The following PCSK6 variants were observed in gnomAD, a reference collection of about 807,000 sequenced individuals.
PCSK6 encodes proprotein convertase subtilisin/kexin type 6.
In PCSK6, 85 loss-of-function variants were observed where a neutral mutation model predicts 123.3. That is an observed-to-expected ratio of 0.69 (90% confidence interval 0.58 to 0.83). The LOEUF (loss-of-function observed/expected upper bound fraction) is 0.83, where lower values mean the gene tolerates loss of function less well. Among genes scored for constraint, PCSK6 ranks in the 40% least tolerant of loss-of-function variants. The probability of loss-of-function intolerance (pLI) is 0.00; values close to 1 mark genes in which losing one functional copy is unlikely to be tolerated. For synonymous variants in PCSK6, 508 were observed against 516.0 expected, an observed-to-expected ratio of 0.98 and a Z score of 0.21; for missense variants, 1,191 against 1,282.3, an observed-to-expected ratio of 0.93 and a Z score of 1.09.
intron 7 of PCSK6, among the ~76,000 whole-genome samples, chr15:101,394,129 G>GTT (rs1320294435): frequency 2.3e-5 from 3 of 132,904 alleles, no homozygotes; most frequent in South Asian, 2.7e-4. Flanking sequence ...TTTTCTTTCC[G>GTT]TTTTTTTGTT....
chr15:101,404,348 C>T (rs1443874051), intron 6 of PCSK6, among the ~76,000 whole-genome samples: 1 of 152,184 alleles, frequency 6.6e-6, no homozygotes, highest in Admixed American at 6.5e-5. Context: ...TGTATTTTGT[C>T]CTTTCTGGGT....
At position 101,467,931 on chromosome 15, in the gene PCSK6, A is replaced by C. The variant is rs112970059; in HGVS notation, c.297+21443T>G. Among the ~76,000 whole-genome samples, 1,352 of 152,344 alleles carry C rather than the reference A, an allele frequency of 8.9e-3. 20 individuals carry two copies. The highest frequency in any genetic ancestry group is 0.028 in the African/African-American group (1,149 of 41,582). ...GGTAGGGTGCAAGGAACGCGTAGGTAATACTGGTAATAGCCTAGTCACTGG... is the reference window on the plus strand; with the variant it reads ...GGTAGGGTGCAAGGAACGCGTAGGTCATACTGGTAATAGCCTAGTCACTGG... On this transcript the variant is annotated intron_variant, in intron 1 of 21. Coordinates refer to ENST00000611716, the MANE Select transcript of PCSK6 (RefSeq NM_002570.5).
rs113456089 is a variant in PCSK6, at chr15:101,320,296, G to C, written c.2466-1874C>G. 8.7e-3 allele frequency among the ~76,000 whole-genome samples: 1,332 copies of C among 152,260 alleles called. 24 individuals are homozygous for C. The highest frequency in any genetic ancestry group is 0.03 in the African/African-American group (1,261 of 41,558). On this transcript the variant is annotated intron_variant, in intron 18 of 21. Transcript: ENST00000611716. ...AGACAGGGTTTCGCCATGTTGGCCA[G>C]GCTGGTTTCGAACTCCTAGCCTCAA... is the stretch of plus-strand genomic sequence containing the variant.
chr15:101,481,409 C>G (rs571282372), intron 1 of PCSK6, among the ~76,000 whole-genome samples: 1 of 150,890 alleles, frequency 6.6e-6, no homozygotes, highest in South Asian at 2.1e-4. Context: ...GGCTGAGGGG[C>G]GAACCTGGTG....
intron 12 of PCSK6, among the ~76,000 whole-genome samples, chr15:101,367,617 G>C (rs2041440127): frequency 6.6e-6 from 1 of 152,196 alleles, no homozygotes; most frequent in African/African-American, 2.4e-5. Context: ...TCTTTTAAGG[G>C]CTGAGGTGCT....
rs1194232737 is a variant in PCSK6 at position 101,392,107 on chromosome 15, G to GC, written c.1209+1104dup. Among the ~76,000 whole-genome samples, 16 of 152,298 alleles carry GC rather than the reference G, an allele frequency of 1.1e-4. 1 individual carries two copies. Among genetic ancestry groups the GC allele is most frequent in the Admixed American group, 9.8e-4 (15 of 15,304 alleles). On this transcript the variant is annotated intron_variant, in intron 8 of 21. Transcript: ENST00000611716. ...CCCATAACTTAGCAAATTCGAACCT[G>GC]CATCCATTCGGCCAGCAAGACTATG...
intron 13 of PCSK6, among the ~76,000 whole-genome samples, chr15:101,340,926 A>C (rs2040588115): frequency 6.6e-6 from 1 of 150,982 alleles, no homozygotes. Context: ...ATTTTAAGGC[A>C]TTTATGTGCT....
intron 6 of PCSK6, among the ~76,000 whole-genome samples, chr15:101,426,463 A>G (rs2056258823): frequency 6.6e-6 from 1 of 152,222 alleles, no homozygotes; most frequent in Non-Finnish European, 1.5e-5. Flanking sequence ...GAGAACTTAT[A>G]TATCTCAGTT....
chr15:101,445,712 C>T (rs961391144), intron 1 of PCSK6, among the ~76,000 whole-genome samples: 7 of 152,212 alleles, frequency 4.6e-5, no homozygotes, highest in Non-Finnish European at 8.8e-5. Context: ...CCCTGGGAGA[C>T]GTTACGTAAC....
chr15:101,349,719 C>T (rs989847483), intron 13 of PCSK6, among the ~76,000 whole-genome samples: 3 of 152,220 alleles, frequency 2.0e-5, no homozygotes, highest in East Asian at 3.9e-4. Context: ...TCTCCCAGCC[C>T]GTCACCGGTG....
intron 1 of PCSK6, among the ~76,000 whole-genome samples, chr15:101,487,688 T>C (rs1019334556): frequency 6.6e-6 from 1 of 152,116 alleles, no homozygotes; most frequent in Non-Finnish European, 1.5e-5. Flanking sequence ...TGAAGACAAA[T>C]TGCTGGGCCA....
chr15:101,340,185 G>A (rs2040569233), intron 13 of PCSK6, among the ~76,000 whole-genome samples: 1 of 152,010 alleles, frequency 6.6e-6, no homozygotes, highest in Admixed American at 6.6e-5. Context: ...GTGTGCACAA[G>A]GCACCCATAA....
rs538581454 is a variant in PCSK6, at chr15:101,458,767, G to A, written c.298-15107C>T. 7.6e-4 allele frequency among the ~76,000 whole-genome samples: 115 copies of A among 152,186 alleles called. 2 individuals are homozygous for A. The highest frequency in any genetic ancestry group is 2.5e-3 in the African/African-American group (104 of 41,528). On this transcript the variant is annotated intron_variant, in intron 1 of 21. Transcript: ENST00000611716. ...TCTGTCAATCATTCACGCTCTCTGC[G>A]ACGCGTCTAATTACTCACAATGCCA...
intron 6 of PCSK6, among the ~76,000 whole-genome samples, chr15:101,401,208 C>T (rs188794327): frequency 3.3e-5 from 5 of 152,350 alleles, no homozygotes; most frequent in East Asian, 3.9e-4. Context: ...AACAACAGTG[C>T]TAGAGACATT....
chr15:101,451,662 G>A (rs1475947553), intron 1 of PCSK6, among the ~76,000 whole-genome samples: 1 of 152,196 alleles, frequency 6.6e-6, no homozygotes, highest in East Asian at 1.9e-4. Flanking sequence ...TTCCGGAGCC[G>A]CTTGTCTGTC....
intron 1 of PCSK6, among the ~76,000 whole-genome samples, chr15:101,482,070 G>A (rs553997710): frequency 1.3e-5 from 2 of 152,382 alleles, no homozygotes; most frequent in South Asian, 2.1e-4. Flanking sequence ...AGGTTGCTAT[G>A]CCTCTTGTCT....
intron 6 of PCSK6, among the ~76,000 whole-genome samples, chr15:101,404,520 C>T (rs1283629971): frequency 6.6e-6 from 1 of 152,146 alleles, no homozygotes; most frequent in Non-Finnish European, 1.5e-5. Context: ...AGGCCCAGTG[C>T]AAGAGGCTGG....
At chr15:101,485,293 CTTTT>C (rs1252946731) in intron 1 of PCSK6, among the ~76,000 whole-genome samples, 1 of 152,116 alleles carries the variant, frequency 6.6e-6, no homozygotes, top group Non-Finnish European at 1.5e-5. Flanking sequence ...TGGCGTGTAT[CTTTT>C]TTTCTTAGTG....
rs548093263 is a variant in PCSK6, at chr15:101,348,739, G to A, written c.1859-16708C>T. ...AGACACTATTATTCCCATCACACAC[G>A]TGCAGAAACAGAGACTGAGAGATTC... On this transcript the variant is annotated intron_variant, in intron 13 of 21. Coordinates refer to ENST00000611716, the MANE Select transcript of PCSK6 (RefSeq NM_002570.5). 3.3e-5 allele frequency among the ~76,000 whole-genome samples: 5 copies of A among 152,174 alleles called. No individual in the cohort carries two copies. In the East Asian group the frequency reaches 5.8e-4, roughly 18 times the overall value.
Sources: gnomAD v4.1 joint callset for allele counts (sites outside exome capture counted in the v4.1 genomes callset) on GRCh38, gnomAD v4.1.1 for gene constraint, MANE v1.5 for transcripts, NCBI Gene and HGNC (gene_info 2026-07-23, HGNC 2026-07-21) for gene names.